Variants in PCDHA7 observed in about 807,000 individuals in gnomAD.
The protein encoded by PCDHA7 is protocadherin alpha 7, also known as protocadherin alpha-7.
Under a neutral mutation model 57.2 loss-of-function variants are expected in PCDHA7, and 37 were observed. The observed-to-expected ratio is 0.65, with a 90% CI of 0.50 to 0.85. PCDHA7 has a LOEUF of 0.85. Ranked by LOEUF, PCDHA7 falls within the 40% of genes least tolerant of loss-of-function variation. The probability of loss-of-function intolerance (pLI) is 0.00; values close to 1 mark genes in which losing one functional copy is unlikely to be tolerated. For synonymous variants in PCDHA7, 553 were observed against 558.8 expected (o/e 0.99, Z 0.15); for missense variants, 1,188 against 1,241.8 (o/e 0.96, Z 0.65).
intron 1 of PCDHA7, among the ~76,000 whole-genome samples, chr5:140,840,979 C>A (rs1290701863): frequency 1.3e-5 from 2 of 151,986 alleles, no homozygotes; most frequent in Non-Finnish European, 2.9e-5. Context: ...AAGAAGAAAT[C>A]CCTAGCTGAA....
At chr5:140,857,963 A>G (rs630162) in intron 1 of PCDHA7, 997,914 of 1,595,004 alleles carry the variant, frequency 0.63, 344,648 homozygotes, top group African/African-American at 0.69. Context: ...TCTGGATGAG[A>G]CTGACTCGCC....
intron 3 of PCDHA7, among the ~76,000 whole-genome samples, chr5:140,987,698 A>T (rs1213489735): frequency 6.6e-6 from 1 of 152,142 alleles, no homozygotes; most frequent in African/African-American, 2.4e-5. Flanking sequence ...TTTTTAAATG[A>T]TTTTTCCAGG....
chr5:140,858,019 G>A (rs377389644), intron 1 of PCDHA7: 1 of 1,596,850 alleles, frequency 6.3e-7, no homozygotes, highest in Non-Finnish European at 8.6e-7. Flanking sequence ...GCGAGCCGTC[G>A]CTGACGGCCA....
rs1364118007 is a variant in PCDHA7 at position 140,899,089 on chromosome 5, G to T, written c.2355+62351G>T. Among the ~76,000 whole-genome samples the T allele has an allele frequency of 5.3e-5, 8 of 152,134 alleles. No individual in the cohort carries two copies. The East Asian group carries it at 1.5e-3, about 29-fold the overall frequency. On this transcript the variant is annotated intron_variant, in intron 1 of 3. Coordinates refer to ENST00000525929, the MANE Select transcript of PCDHA7 (RefSeq NM_018910.3). ...TGCTTATCAGCTTAAGGAGATTTTG[G>T]GCTGAGATAATGGGGTTTTCTAGAT...
At chr5:140,968,067 T>G in intron 1 of PCDHA7, 1 of 1,614,082 alleles carries the variant, frequency 6.2e-7, no homozygotes, top group Non-Finnish European at 8.5e-7. Context: ...CGGGTGGCTG[T>G]CTACAACATC....
intron 1 of PCDHA7, among the ~76,000 whole-genome samples, chr5:140,905,926 A>G (rs1040903041): frequency 6.6e-6 from 1 of 152,318 alleles, no homozygotes; most frequent in East Asian, 1.9e-4. Flanking sequence ...TCTGAGTCCC[A>G]AAGCTGAAGA....
intron 1 of PCDHA7, chr5:140,854,299 C>A: frequency 2.4e-6 from 1 of 414,144 alleles, no homozygotes; most frequent in Non-Finnish European, 3.2e-6. Context: ...TTATTTTGTG[C>A]GTGGAGATGA....
At chr5:140,988,085 G>T (rs1490034264) in intron 3 of PCDHA7, among the ~76,000 whole-genome samples, 1 of 152,176 alleles carries the variant, frequency 6.6e-6, no homozygotes, top group East Asian at 1.9e-4. Flanking sequence ...ATGAGTGAGT[G>T]CAGCCTCGGG....
chr5:140,953,778 A>AT, intron 1 of PCDHA7, among the ~76,000 whole-genome samples: 1 of 152,106 alleles, frequency 6.6e-6, no homozygotes, highest in South Asian at 2.1e-4. Context: ...ATATTTATTT[A>AT]TTTTTTTCTT....
At chr5:140,929,395 C>G (rs1317256449) in intron 1 of PCDHA7, 8 of 1,510,412 alleles carry the variant, frequency 5.3e-6, no homozygotes, top group Non-Finnish European at 5.3e-6. Flanking sequence ...TGAAATATTT[C>G]TTAGACAAGC....
chr5:140,842,664 T>A lies in PCDHA7; in HGVS notation c.2355+5926T>A. 1.9e-6 allele frequency: 3 copies of A among 1,595,188 alleles called. No homozygotes were observed. In the South Asian group the frequency reaches 3.3e-5, roughly 18 times the overall value. On this transcript the variant is annotated intron_variant, in intron 1 of 3. Transcript: ENST00000525929. The stretch of plus-strand genomic sequence containing the variant: ...AGCTTGTCTGTGGAGGTGGCCGACG[T>A]GAACGACAATGCTCCGGCGTTCGCG...
intron 1 of PCDHA7, chr5:140,882,457 G>C: frequency 1.2e-6 from 2 of 1,614,056 alleles, no homozygotes; most frequent in Non-Finnish European, 1.7e-6. Context: ...TGCCGCGCCT[G>C]TTCCGGGTGG....
intron 1 of PCDHA7, chr5:140,876,257 T>A (rs781806447): frequency 6.2e-7 from 1 of 1,614,000 alleles, no homozygotes; most frequent in Non-Finnish European, 8.5e-7. Context: ...ACAAGAGTGA[T>A]CCAACTAAAT....
chr5:140,976,743 C>A (rs782329745), intron 1 of PCDHA7, among the ~76,000 whole-genome samples: 16 of 152,116 alleles, frequency 1.1e-4, no homozygotes, highest in Non-Finnish European at 1.5e-4. Context: ...ATTTTAAAAA[C>A]CTCCCAGATG....
chr5:140,887,197 C>T (rs1348316837), intron 1 of PCDHA7, among the ~76,000 whole-genome samples: 1 of 151,678 alleles, frequency 6.6e-6, no homozygotes, highest in Non-Finnish European at 1.5e-5. Flanking sequence ...CCCGGGTTCA[C>T]GCCATTCTCC....
At chr5:140,958,547 A>C (rs528303266) in intron 1 of PCDHA7, among the ~76,000 whole-genome samples, 3 of 152,308 alleles carry the variant, frequency 2.0e-5, no homozygotes, top group East Asian at 3.9e-4. Flanking sequence ...TTTATGAACC[A>C]ATAAATGTTT....
intron 1 of PCDHA7, among the ~76,000 whole-genome samples, chr5:140,949,545 T>G (rs1173643616): frequency 6.6e-6 from 1 of 151,906 alleles, no homozygotes; most frequent in Non-Finnish European, 1.5e-5. Flanking sequence ...ATCGATTTGT[T>G]GCTGGTCATA....
At chr5:140,955,652 A>T (rs1452679583) in intron 1 of PCDHA7, among the ~76,000 whole-genome samples, 2 of 152,180 alleles carry the variant, frequency 1.3e-5, no homozygotes, top group African/African-American at 4.8e-5. Context: ...ATTAATACAC[A>T]TATGAATTTT....
chr5:140,946,221 A>G (rs1287007358), intron 1 of PCDHA7, among the ~76,000 whole-genome samples: 2 of 152,214 alleles, frequency 1.3e-5, no homozygotes, highest in Admixed American at 6.5e-5. Context: ...ACCAACAGGT[A>G]TACTAAAAAA....
Sources: gnomAD v4.1 joint callset for allele counts (sites outside exome capture counted in the v4.1 genomes callset) on GRCh38, gnomAD v4.1.1 for gene constraint, MANE v1.5 for transcripts, NCBI Gene and HGNC (gene_info 2026-07-23, HGNC 2026-07-21) for gene names.